Variants in PAK1 observed in about 807,000 individuals in gnomAD.
The protein encoded by PAK1 is p21 (RAC1) activated kinase 1, also known as serine/threonine-protein kinase PAK 1.
PAK1 carries 29 observed loss-of-function variants against 67.4 expected under a neutral mutation model. The ratio of observed to expected loss-of-function variants is 0.43; its 90% CI spans 0.32 to 0.59. The LOEUF is 0.59. Ranked by LOEUF, PAK1 falls within the 20% of genes least tolerant of loss-of-function variation. The pLI, the probability that PAK1 is intolerant of heterozygous loss-of-function variation, is 0.07. For synonymous variants in PAK1, 223 were observed against 237.4 expected, an observed-to-expected ratio of 0.94 and a Z score of 0.56; for missense variants, 337 against 670.7, an observed-to-expected ratio of 0.50 and a Z score of 5.50.
the PAK1 span, among the ~76,000 whole-genome samples, chr11:77,518,836 G>T: frequency 6.6e-6 from 1 of 152,130 alleles, no homozygotes; most frequent in East Asian, 1.9e-4. Flanking sequence ...TATTTTGCCT[G>T]TCTCCACACT....
the PAK1 span, among the ~76,000 whole-genome samples, chr11:77,489,892 G>A: frequency 2.6e-5 from 4 of 152,256 alleles, no homozygotes; most frequent in African/African-American, 7.2e-5. Context: ...AGTGAGAAGC[G>A]TCTCTGCCTG....
chr11:77,361,469 G>A (rs879603233), intron 5 of PAK1, among the ~76,000 whole-genome samples: 1 of 152,174 alleles, frequency 6.6e-6, no homozygotes, highest in Non-Finnish European at 1.5e-5. Flanking sequence ...ATCAGATTAT[G>A]TAAAGTCAGA....
the PAK1 span, among the ~76,000 whole-genome samples, chr11:77,515,487 T>C: frequency 1.3e-5 from 2 of 152,224 alleles, no homozygotes; most frequent in Non-Finnish European, 2.9e-5. Flanking sequence ...TTCTCCTGTG[T>C]TACGGGATGG....
At chr11:77,490,343 C>T in the PAK1 span, among the ~76,000 whole-genome samples, 1 of 53,446 alleles carries the variant, frequency 1.9e-5, no homozygotes, top group African/African-American at 9.6e-5. Flanking sequence ...GGGGTCAGCC[C>T]CCCACCCGGC....
chr11:77,527,201 C>A, the PAK1 span, among the ~76,000 whole-genome samples: 1 of 152,032 alleles, frequency 6.6e-6, no homozygotes, highest in Non-Finnish European at 1.5e-5. Flanking sequence ...CTCCCAGGCT[C>A]AAGGAATCCT....
upstream of PAK1, among the ~76,000 whole-genome samples, chr11:77,478,812 C>T (rs961212620): frequency 4.6e-5 from 7 of 151,156 alleles, no homozygotes; most frequent in African/African-American, 1.7e-4. Flanking sequence ...CGCAGTGGCT[C>T]ATGCCTGTAA....
the PAK1 span, among the ~76,000 whole-genome samples, chr11:77,525,087 C>G: frequency 0.74 from 112,570 of 151,730 alleles, 41,945 homozygotes; most frequent in African/African-American, 0.78. Flanking sequence ...GCTCACTCCT[C>G]TAATCCCAAC....
intron 1 of PAK1, among the ~76,000 whole-genome samples, chr11:77,469,873 G>A (rs577372288): frequency 1.3e-5 from 2 of 151,846 alleles, no homozygotes; most frequent in South Asian, 2.1e-4. Context: ...GATATTTTGA[G>A]ATGTATATAA....
intron 5 of PAK1, among the ~76,000 whole-genome samples, chr11:77,367,610 T>C (rs1947780526): frequency 6.6e-6 from 1 of 152,230 alleles, no homozygotes; most frequent in South Asian, 2.1e-4. Flanking sequence ...GGAAGTCTCC[T>C]AATTCTTCAG....
At chr11:77,354,521 C>T (rs955511049) in intron 7 of PAK1, among the ~76,000 whole-genome samples, 8 of 152,108 alleles carry the variant, frequency 5.3e-5, no homozygotes, top group Non-Finnish European at 1.0e-4. Flanking sequence ...TGTCCTAACT[C>T]CCAGGCCAAG....
the PAK1 span, among the ~76,000 whole-genome samples, chr11:77,491,142 A>G: frequency 4.4e-4 from 67 of 152,136 alleles, no homozygotes; most frequent in African/African-American, 1.6e-3. Context: ...AAAAAGAAAA[A>G]AAAAATTAAA....
intron 1 of PAK1, among the ~76,000 whole-genome samples, chr11:77,471,833 G>A (rs974433587): frequency 1.3e-5 from 2 of 152,214 alleles, no homozygotes; most frequent in Non-Finnish European, 2.9e-5. Context: ...CTCAAAACAT[G>A]TGCTTAGTAA....
At position 77,453,296 on chromosome 11, in the gene PAK1, G is replaced by C. The variant is rs142370740; in HGVS notation, c.-22+20256C>G. Among the ~76,000 whole-genome samples, 679 of 152,282 alleles carry C rather than the reference G, an allele frequency of 4.5e-3. 6 individuals are homozygous for C. The highest frequency in any genetic ancestry group is 0.016 in the African/African-American group (645 of 41,546). On this transcript the variant is annotated intron_variant, in intron 1 of 14. Coordinates refer to ENST00000356341, the MANE Select transcript of PAK1 (RefSeq NM_002576.5). Reference sequence around the variant, plus strand: ...TTGAACCCAGGCAGCAGAGGTTTCAGTGAGCCGAGATCGCGCCATTGCACT... The same window carrying C: ...TTGAACCCAGGCAGCAGAGGTTTCACTGAGCCGAGATCGCGCCATTGCACT...
intron 4 of PAK1, 69 bp downstream of exon 4, chr11:77,379,172 G>T: frequency 7.9e-7 from 1 of 1,262,676 alleles, no homozygotes; most frequent in Non-Finnish European, 1.1e-6. Flanking sequence ...AGACTAATAG[G>T]CATGTGAGCT....
At chr11:77,340,888 G>GTTCTTTAC (rs1943498007) in intron 10 of PAK1, 125 bp from the exon 11 acceptor site, 1 of 676,690 alleles carries the variant, frequency 1.5e-6, no homozygotes, top group Non-Finnish European at 2.7e-6. Context: ...AAAGTAAAAG[G>GTTCTTTAC]TTCTTTACTT....
intron 1 of PAK1, among the ~76,000 whole-genome samples, chr11:77,423,249 T>C (rs1840151): frequency 0.36 from 53,764 of 149,052 alleles, 9,794 homozygotes; most frequent in South Asian, 0.52. Context: ...CAATACTAGA[T>C]AGATATGAAA....
intron 1 of PAK1, among the ~76,000 whole-genome samples, chr11:77,445,148 C>T (rs1394436373): frequency 1.3e-5 from 2 of 152,096 alleles, no homozygotes; most frequent in African/African-American, 4.8e-5. Context: ...GACAATCACA[C>T]ACAGAGATAA....
chr11:77,495,040 T>C, the PAK1 span, among the ~76,000 whole-genome samples: 105 of 151,962 alleles, frequency 6.9e-4, 1 homozygote, highest in African/African-American at 2.5e-3. Context: ...CATGCGCCTG[T>C]AGTCCCAGCT....
the PAK1 span, among the ~76,000 whole-genome samples, chr11:77,504,981 C>T: frequency 6.6e-6 from 1 of 152,218 alleles, no homozygotes; most frequent in Non-Finnish European, 1.5e-5. Flanking sequence ...CCAGATCACA[C>T]AGCCTGATAG....
Sources: allele counts gnomAD v4.1 joint callset (sites outside exome capture counted in the v4.1 genomes callset), GRCh38; gene constraint gnomAD v4.1.1; transcripts MANE v1.5; gene names NCBI Gene and HGNC (gene_info 2026-07-23, HGNC 2026-07-21).